Variants in DCAF4 observed in about 807,000 individuals in gnomAD.
DCAF4 encodes DDB1- and CUL4-associated factor 4.
Under a neutral mutation model 60.9 loss-of-function variants are expected in DCAF4, and 37 were observed. That is an observed-to-expected ratio of 0.61 (90% CI 0.47 to 0.80). The LOEUF is 0.80. DCAF4 is among the 30% of genes least tolerant of loss of function. The pLI is 0.00. For missense variants in DCAF4, 577 were observed against 650.0 expected (o/e 0.89, Z 1.22); for synonymous variants, 243 against 254.8 (o/e 0.95, Z 0.44).
chr14:72,930,704 C>T (rs1233028099), intron 1 of DCAF4, among the ~76,000 whole-genome samples: 1 of 152,084 alleles, frequency 6.6e-6, no homozygotes, highest in Non-Finnish European at 1.5e-5. Flanking sequence ...ATTGCCTAAT[C>T]AAGATCATGA....
At chr14:72,941,490 C>T (rs1366567612) in intron 4 of DCAF4, among the ~76,000 whole-genome samples, 1 of 152,132 alleles carries the variant, frequency 6.6e-6, no homozygotes, top group Non-Finnish European at 1.5e-5. Context: ...GCTTCGTCCC[C>T]CCGGGTGTAT....
intron 8 of DCAF4, among the ~76,000 whole-genome samples, chr14:72,950,851 A>T (rs1480332049): frequency 9.2e-5 from 14 of 152,124 alleles, no homozygotes; most frequent in Admixed American, 3.3e-4. Context: ...ATTTATTGAC[A>T]AATATATGTA....
Position 72,940,588 on chromosome 14 carries a change from G to GTTTTTTTTTTTTTT in DCAF4, c.351+213_351+214insTTTTTTTTTTTTTT, listed in dbSNP as rs750585266. On this transcript the variant is annotated intron_variant, in intron 4 of 13. Transcript: ENST00000358377. ...CCATCCCCGTTTTCTTGTTCGATAA[G>GTTTTTTTTTTTTTT]TTGTTTTTTTTTTTTTTTTTGAGGC... is the stretch of plus-strand genomic sequence containing the variant. 3 of 266,916 alleles carry GTTTTTTTTTTTTTT rather than the reference G, an allele frequency of 1.1e-5. 1 individual carries two copies. The highest frequency in any genetic ancestry group is 2.0e-5 in the Non-Finnish European group (3 of 149,378). 16.5% of individuals were successfully genotyped at this position (266,916 alleles called of 1,614,324 possible). A position where few individuals can be genotyped will look rare whatever the true frequency, so the allele number is the denominator to read the frequency against.
rs1892643458 is a variant in DCAF4 at position 72,958,901 on chromosome 14, C to T, written c.*96C>T. 5 of 1,475,906 alleles carry T rather than the reference C, an allele frequency of 3.4e-6. No homozygotes were observed. Among genetic ancestry groups the T allele is most frequent in the Non-Finnish European group, 4.5e-6 (5 of 1,120,730 alleles). The allele number at this position is 1,475,906 out of a possible 1,614,324, so 91.4% of individuals were successfully genotyped here. On this transcript the variant is annotated 3_prime_UTR_variant, in exon 14 of 14. Transcript: ENST00000358377. ...TAATGAGGGTGTTTTAAGTGACACTCAGTGTACACAGATCCCATCCTCTGG... is the reference window on the plus strand; with the variant it reads ...TAATGAGGGTGTTTTAAGTGACACTTAGTGTACACAGATCCCATCCTCTGG...
At chr14:72,940,480 C>A in intron 4 of DCAF4, 103 bp downstream of exon 4, 1 of 1,252,314 alleles carries the variant, frequency 8.0e-7, no homozygotes, top group South Asian at 1.7e-5. Flanking sequence ...CGACACTTAG[C>A]AGAGGCACTT....
At chr14:72,947,086 A>G (rs1890832473) in intron 7 of DCAF4, 56 bp from the exon 8 acceptor site, 2 of 1,608,916 alleles carry the variant, frequency 1.2e-6, no homozygotes, top group African/African-American at 1.3e-5. Context: ...GTTATTCCAC[A>G]GGAAAGCATA....
At chr14:72,957,403 G>A (rs1335730871) in intron 13 of DCAF4, 1 of 152,298 alleles carries the variant, frequency 6.6e-6, no homozygotes, top group East Asian at 1.9e-4. Flanking sequence ...TGAAATAGTA[G>A]CTGCTGACAC....
chr14:72,953,820 G>GTA lies in DCAF4; in HGVS notation c.809-343_809-342insAT, dbSNP rs1256307626. ...TGTGTGTGTGTGTGTGTGTGTGTGT[G>GTA]TGTGTGTGTATATACACACACACTT... On this transcript the variant is annotated intron_variant, in intron 9 of 13. Coordinates refer to ENST00000358377, the MANE Select transcript of DCAF4 (RefSeq NM_015604.4). 8.2e-5 allele frequency among the ~76,000 whole-genome samples: 8 copies of GTA among 97,298 alleles called. 2 individuals are homozygous for GTA. Among genetic ancestry groups the GTA allele is most frequent in the African/African-American group, 3.2e-4 (8 of 25,012 alleles). 63.8% of individuals were successfully genotyped at this position (97,298 alleles called of 152,430 possible).
chr14:72,942,905 G>A (rs2333012), intron 5 of DCAF4, 89 bp from the exon 6 acceptor site: 335,267 of 1,162,434 alleles, frequency 0.29, 51,299 homozygotes, highest in Non-Finnish European at 0.31. Context: ...AGAGATGGGC[G>A]TCAGCGGGGC....
At chr14:72,930,113 G>T (rs1007804950) in intron 1 of DCAF4, among the ~76,000 whole-genome samples, 22 of 152,282 alleles carry the variant, frequency 1.4e-4, no homozygotes, top group African/African-American at 5.3e-4. Flanking sequence ...CCAAAAGGGG[G>T]GTAGGAGGGA....
rs2572 is a variant in DCAF4, at chr14:72,959,582, C to T, written c.*777C>T. On this transcript the variant is annotated 3_prime_UTR_variant, in exon 14 of 14. Transcript: ENST00000358377. ...TTTTTGTAATCTAGGAGCGACAGTTCGTGAGATGTTTATTCAGTGTTAAAG... is the reference window on the plus strand; with the variant it reads ...TTTTTGTAATCTAGGAGCGACAGTTTGTGAGATGTTTATTCAGTGTTAAAG... 96,689 of 985,300 alleles carry T rather than the reference C, an allele frequency of 0.098. 5,044 individuals carry two copies. The highest frequency in any genetic ancestry group is 0.19 in the East Asian group (1,699 of 8,798). The allele number at this position is 985,300 out of a possible 1,614,324, so 61.0% of individuals were successfully genotyped here.
In DCAF4 at chr14:72,958,631, G is replaced by A. The variant is rs541935070; in HGVS notation, c.1314G>A (p.Thr438=). The change falls in exon 14 of 14, where the codon ACG becomes ACA. Residue 438 remains threonine (T), a synonymous_variant. Coordinates refer to ENST00000358377, the MANE Select transcript of DCAF4 (RefSeq NM_015604.4). ...TCCTAGTGGGCCAGGACTGCTACAC[G>A]AGAATCTGGAGCCTCCACGATGCCC... ...ILVAVGQDCY[T]RIWSLHDARL... is the part of the protein sequence containing the mutation. 3.5e-5 allele frequency: 56 copies of A among 1,614,064 alleles called. No homozygotes were observed. The highest frequency in any genetic ancestry group is 4.4e-5 in the South Asian group (4 of 91,078).
intron 1 of DCAF4, among the ~76,000 whole-genome samples, chr14:72,929,033 C>T (rs1269053805): frequency 6.6e-6 from 1 of 152,202 alleles, no homozygotes; most frequent in African/African-American, 2.4e-5. Context: ...CACTTGGCTC[C>T]GGGGCTGGTC....
downstream of DCAF4, among the ~76,000 whole-genome samples, chr14:72,959,904 A>C (rs1892732909): frequency 6.6e-6 from 1 of 152,184 alleles, no homozygotes; most frequent in Non-Finnish European, 1.5e-5. Context: ...GGGCAAGAGG[A>C]GAGGGAGTGG....
chr14:72,959,179 C>T lies in DCAF4; in HGVS notation c.*374C>T, dbSNP rs545910865. ...CCATTGAAGAAGCCCAGTGATGAGA[C>T]GGTGAGATGGTTTGAGTCCTCGGTG... On this transcript the variant is annotated 3_prime_UTR_variant, in exon 14 of 14. Coordinates refer to ENST00000358377, the MANE Select transcript of DCAF4 (RefSeq NM_015604.4). The T allele has an allele frequency of 1.0e-5, 10 of 997,538 alleles. No individual in the cohort carries two copies. Among genetic ancestry groups the T allele is most frequent in the East Asian group, 1.1e-4 (1 of 9,216 alleles). The allele number at this position is 997,538 out of a possible 1,614,324, so 61.8% of individuals were successfully genotyped here. A position where few individuals can be genotyped will look rare whatever the true frequency, so the allele number is the denominator to read the frequency against.
At chr14:72,941,892 A>G (rs1890095303) in intron 5 of DCAF4, 68 bp downstream of exon 5, 1 of 1,547,906 alleles carries the variant, frequency 6.5e-7, no homozygotes, top group African/African-American at 1.4e-5. Flanking sequence ...TTTTCATGGT[A>G]TAAGAATCCA....
chr14:72,951,504 A>T (rs951125342), intron 8 of DCAF4, among the ~76,000 whole-genome samples: 1 of 152,110 alleles, frequency 6.6e-6, no homozygotes, highest in African/African-American at 2.4e-5. Flanking sequence ...CCAGCTACTC[A>T]GGAAGCCGAG....
chr14:72,953,709 T>TAAAA lies in DCAF4; in HGVS notation c.809-434_809-431dup, dbSNP rs778771457. Among the ~76,000 whole-genome samples, 16 of 10,068 alleles carry TAAAA rather than the reference T, an allele frequency of 1.6e-3. 3 individuals are homozygous for TAAAA. Among genetic ancestry groups the TAAAA allele is most frequent in the African/African-American group, 3.9e-3 (10 of 2,566 alleles). 6.6% of individuals were successfully genotyped at this position (10,068 alleles called of 152,430 possible). On this transcript the variant is annotated intron_variant, in intron 9 of 13. Transcript: ENST00000358377. ...TGGGCAAAAGAACAAGACCCTGTCT[T>TAAAA]AAAAAAAAAAAAAAAAAAAAAAAAT...
chr14:72,956,037 C>T (rs924152263), intron 12 of DCAF4, among the ~76,000 whole-genome samples: 5 of 148,590 alleles, frequency 3.4e-5, no homozygotes, highest in Non-Finnish European at 5.9e-5. Context: ...ATTCTCCTGC[C>T]TCAGCCTCCT....
Sources: gnomAD v4.1 joint callset for allele counts (sites outside exome capture counted in the v4.1 genomes callset) on GRCh38, gnomAD v4.1.1 for gene constraint, MANE v1.5 for transcripts, NCBI Gene and HGNC (gene_info 2026-07-23, HGNC 2026-07-21) for gene names.